ZFP41: variants seen among roughly 807,000 people sequenced by gnomAD.
ZFP41 encodes zinc finger protein 41 homolog.
In ZFP41, 10 loss-of-function variants were observed where a neutral mutation model predicts 11.6. The observed-to-expected ratio is 0.86, with a 90% CI of 0.53 to 1.47. ZFP41 has a LOEUF of 1.47. ZFP41 is among the 40% of genes most tolerant of loss of function. The probability of loss-of-function intolerance (pLI) is 0.00; values close to 1 mark genes in which losing one functional copy is unlikely to be tolerated. For synonymous variants in ZFP41, 123 were observed against 100.9 expected (o/e 1.22, Z -1.31); for missense variants, 302 against 264.6 (o/e 1.14, Z -0.98).
Position 143,249,734 on chromosome 8 carries a change from G to T in ZFP41, c.-110G>T. ...CTTGGCCTCCTGGTGCAGAGCATCA[G>T]TCCCACGCTGGGAGTGTGGAGAGGT... On this transcript the variant is annotated 5_prime_UTR_variant, in exon 2 of 3. Transcript: ENST00000330701. The T allele has an allele frequency of 1.4e-6, 2 of 1,458,016 alleles. No homozygotes were observed. Among genetic ancestry groups the T allele is most frequent in the South Asian group, 3.0e-5 (2 of 66,954 alleles). The allele number at this position is 1,458,016 out of a possible 1,614,324, so 90.3% of individuals were successfully genotyped here. A position where few individuals can be genotyped will look rare whatever the true frequency, so the allele number is the denominator to read the frequency against.
In ZFP41 at chr8:143,261,856, C is replaced by A. The variant is rs918555740; in HGVS notation, c.*2982C>A. 2 of 176,180 alleles carry A rather than the reference C, an allele frequency of 1.1e-5. No individual in the cohort carries two copies. The highest frequency in any genetic ancestry group is 1.4e-4 in the Admixed American group (2 of 14,168). 10.9% of individuals were successfully genotyped at this position (176,180 alleles called of 1,614,324 possible). Reference sequence around the variant, plus strand: ...TGTCTCCGGCAGCCCCTGCCCGCACCCGCACCCCTGCACCTGCCACGCCCG... The same window carrying A: ...TGTCTCCGGCAGCCCCTGCCCGCACACGCACCCCTGCACCTGCCACGCCCG... On this transcript the variant is annotated 3_prime_UTR_variant, in exon 3 of 3. Transcript: ENST00000330701.
In ZFP41 at chr8:143,261,865, TGCACCTGCCACGCCCGTCTCCGGCA is replaced by T. The variant is rs1476136386; in HGVS notation, c.*3069_*3093del. The T allele has an allele frequency of 0.026, 2,297 of 86,686 alleles. 530 individuals are homozygous for T. The highest frequency in any genetic ancestry group is 0.055 in the African/African-American group (724 of 13,206). 5.4% of individuals were successfully genotyped at this position (86,686 alleles called of 1,614,324 possible). Reference sequence around the variant, plus strand: ...CAGCCCCTGCCCGCACCCGCACCCCTGCACCTGCCACGCCCGTCTCCGGCAGCACCTGCCACGCCCGTCTCCGGCA... The same window carrying T: ...CAGCCCCTGCCCGCACCCGCACCCCTGCACCTGCCACGCCCGTCTCCGGCA... On this transcript the variant is annotated 3_prime_UTR_variant, in exon 3 of 3. Coordinates refer to ENST00000330701, the MANE Select transcript of ZFP41 (RefSeq NM_173832.6).
intron 1 of ZFP41, chr8:143,248,084 C>G (rs921137993): frequency 2.6e-4 from 40 of 152,222 alleles, no homozygotes; most frequent in African/African-American, 8.7e-4. Context: ...TCCCAAAGTG[C>G]TGGGATTACA....
chr8:143,255,723 G>A (rs1292250590), intron 2 of ZFP41, among the ~76,000 whole-genome samples: 2 of 126,266 alleles, frequency 1.6e-5, no homozygotes, highest in African/African-American at 3.1e-5. Context: ...GTGAGATCAC[G>A]GCTCACCCCG....
At chr8:143,256,670 G>A (rs996769765) in intron 2 of ZFP41, among the ~76,000 whole-genome samples, 25 of 152,204 alleles carry the variant, frequency 1.6e-4, no homozygotes, top group African/African-American at 5.5e-4. Flanking sequence ...TTGAGGCCAG[G>A]AGTTCAAGAC....
intron 2 of ZFP41, chr8:143,252,704 A>G (rs954056834): frequency 1.1e-6 from 1 of 912,978 alleles, no homozygotes; most frequent in African/African-American, 1.8e-5. Context: ...TGTGTCTCAC[A>G]CTATTGGGCG....
intron 1 of ZFP41, 30 bp from the exon 2 acceptor site, chr8:143,249,660 T>C (rs902877619): frequency 2.0e-6 from 2 of 976,866 alleles, no homozygotes; most frequent in African/African-American, 3.3e-5. Context: ...AAACCTTTAA[T>C]CTGAGGTTCA....
Position 143,249,832 on chromosome 8 carries a change from A to G in ZFP41, c.-12A>G, listed in dbSNP as rs1295603153. 6.4e-7 allele frequency: 1 copy of G among 1,568,882 alleles called. No individual in the cohort carries two copies. The highest frequency in any genetic ancestry group is 8.6e-7 in the Non-Finnish European group (1 of 1,162,614). On this transcript the variant is annotated 5_prime_UTR_variant, in exon 2 of 3. Transcript: ENST00000330701. ...CAGCCCCTTAGCCCTCACGCTTCCA[A>G]GGAACAGAATGATGGAGAAGCCTGC...
At position 143,250,201 on chromosome 8, in the gene ZFP41, T is replaced by C. The variant is rs766845532; in HGVS notation, c.358T>C (p.Cys120Arg). ...AGAGAAGCCCTTCAAGTGTGCGCAG[T>C]GCGGGAAGGCCTTCCGGCACAGCTC... Reference protein sequence around the residue: ...TGEKPFKCAQCGKAFRHSSDV... With the variant: ...TGEKPFKCAQRGKAFRHSSDV... The change falls in exon 2 of 3, where the codon TGC (cysteine) becomes CGC (arginine). Residue 120 changes from cysteine to arginine, a missense_variant. Cys to Arg is a radical substitution (Grantham distance 180). Transcript: ENST00000330701. The C allele has an allele frequency of 6.2e-7, 1 of 1,614,038 alleles. No homozygotes were observed. The highest frequency in any genetic ancestry group is 1.7e-5 in the Admixed American group (1 of 60,020).
At chr8:143,258,915 C>T (rs578219867) in intron 2 of ZFP41, among the ~76,000 whole-genome samples, 54 of 152,264 alleles carry the variant, frequency 3.5e-4, no homozygotes, top group Middle Eastern at 6.8e-3. Context: ...TCTCCTGCTG[C>T]GGCACCAGGC....
Position 143,251,056 on chromosome 8 carries a change from T to G in ZFP41, c.*616T>G, listed in dbSNP as rs1456485337. On this transcript the variant is annotated 3_prime_UTR_variant, in exon 2 of 3. Transcript: ENST00000330701. ...GGTCCTCTGGCTTCTCTCCTCCTGC[T>G]GGAGTGCCAGTCCCTGAGCTCAGAC... is the stretch of plus-strand genomic sequence containing the variant. 5.9e-6 allele frequency: 1 copy of G among 168,916 alleles called. No individual in the cohort carries two copies. The highest frequency in any genetic ancestry group is 2.4e-5 in the African/African-American group (1 of 41,480). The allele number at this position is 168,916 out of a possible 1,614,324, so 10.5% of individuals were successfully genotyped here.
chr8:143,250,285 T>C lies in ZFP41; in HGVS notation c.442T>C (p.Cys148Arg). Residue 148 changes from cysteine to arginine, a missense_variant, in exon 2 of 3, where the codon TGC (cysteine) becomes CGC (arginine). Physicochemically the swap from Cys to Arg is radical, Grantham distance 180. Transcript: ENST00000330701. ...AGAGAAGCCCTTCAAATGCGGGGAGTGCGGGAAAGCCTTTAACTGCGGCTC... is the reference window on the plus strand; with the variant it reads ...AGAGAAGCCCTTCAAATGCGGGGAGCGCGGGAAAGCCTTTAACTGCGGCTC... ...TGEKPFKCGE[C>R]GKAFNCGSNL... is the part of the protein sequence containing the mutation. The C allele has an allele frequency of 1.2e-6, 2 of 1,613,534 alleles. No homozygotes were observed. The highest frequency in any genetic ancestry group is 1.7e-6 in the Non-Finnish European group (2 of 1,179,914).
rs1815003292 is a variant in ZFP41 at position 143,260,056 on chromosome 8, T to A, written c.*1182T>A. ...TGTGAAATCGTGCAGGGAAGCACCC[T>A]GTGAAATCGTGCAGGGAAGCACCCT... On this transcript the variant is annotated 3_prime_UTR_variant, in exon 3 of 3. Transcript: ENST00000330701. 2 of 154,884 alleles carry A rather than the reference T, an allele frequency of 1.3e-5. No individual in the cohort carries two copies. The highest frequency in any genetic ancestry group is 1.4e-5 in the Non-Finnish European group (1 of 69,798). 9.6% of individuals were successfully genotyped at this position (154,884 alleles called of 1,614,324 possible). A position where few individuals can be genotyped will look rare whatever the true frequency, so the allele number is the denominator to read the frequency against.
In ZFP41 at chr8:143,250,700, C is replaced by A; in HGVS notation, c.*260C>A. The A allele has an allele frequency of 3.5e-6, 2 of 578,418 alleles. No individual in the cohort carries two copies. Among genetic ancestry groups the A allele is most frequent in the Non-Finnish European group, 3.1e-6 (1 of 327,616 alleles). 35.8% of individuals were successfully genotyped at this position (578,418 alleles called of 1,614,324 possible). A position where few individuals can be genotyped will look rare whatever the true frequency, so the allele number is the denominator to read the frequency against. ...CCAGAGGCTCCTTGCAGCCACAGAG[C>A]ATTTTCCAAGTTCCCGATGGCGAAC... is the stretch of plus-strand genomic sequence containing the variant. On this transcript the variant is annotated 3_prime_UTR_variant, in exon 2 of 3. Transcript: ENST00000330701.
At chr8:143,256,823 C>G (rs1481226606) in intron 2 of ZFP41, among the ~76,000 whole-genome samples, 2 of 152,124 alleles carry the variant, frequency 1.3e-5, no homozygotes, top group African/African-American at 4.8e-5. Context: ...TTTTTTGTCC[C>G]TATCATTTGG....
At chr8:143,249,536 C>A in intron 1 of ZFP41, 154 bp from the exon 2 acceptor site, 1 of 269,436 alleles carries the variant, frequency 3.7e-6, no homozygotes, top group Non-Finnish European at 7.0e-6. Flanking sequence ...CAAGGAAAGG[C>A]CGGGAGAGAG....
At chr8:143,252,381 T>C (rs559068586) in intron 2 of ZFP41, among the ~76,000 whole-genome samples, 2 of 152,326 alleles carry the variant, frequency 1.3e-5, no homozygotes, top group Admixed American at 6.5e-5. Flanking sequence ...CATGCCCCCA[T>C]GGCATTGCTG....
In ZFP41 at chr8:143,250,171, A is replaced by G; in HGVS notation, c.328A>G (p.Thr110Ala). ...TDHIRHQRVH[T>A]GEKPFKCAQC... ...CCACATTCGCCATCAGAGGGTCCAC[A>G]CTGGAGAGAAGCCCTTCAAGTGTGC... Residue 110 changes from threonine to alanine, a missense_variant, in exon 2 of 3, where the codon ACT (threonine) becomes GCT (alanine). Thr to Ala is a moderately conservative substitution (Grantham distance 58). Coordinates refer to ENST00000330701, the MANE Select transcript of ZFP41 (RefSeq NM_173832.6). 1 of 1,614,126 alleles carries G rather than the reference A, an allele frequency of 6.2e-7. No individual in the cohort carries two copies. The highest frequency in any genetic ancestry group is 8.5e-7 in the Non-Finnish European group (1 of 1,180,044).
chr8:143,255,181 C>T (rs1466142717), intron 2 of ZFP41, among the ~76,000 whole-genome samples: 2 of 152,144 alleles, frequency 1.3e-5, no homozygotes, highest in African/African-American at 2.4e-5. Context: ...CTAGGACGCA[C>T]GTAGTGGGTC....
Sources: gnomAD v4.1 joint callset for allele counts (sites outside exome capture counted in the v4.1 genomes callset) on GRCh38, gnomAD v4.1.1 for gene constraint, MANE v1.5 for transcripts, NCBI Gene and HGNC (gene_info 2026-07-23, HGNC 2026-07-21) for gene names.